VPS8: variants seen among roughly 807,000 people sequenced by gnomAD.
The protein encoded by VPS8 is vacuolar protein sorting-associated protein 8 homolog.
VPS8 carries 129 observed loss-of-function variants against 216.4 expected under a neutral mutation model. The ratio of observed to expected loss-of-function variants is 0.60; its 90% CI spans 0.52 to 0.69. VPS8 has a LOEUF of 0.69. Among genes scored for constraint, VPS8 ranks in the 30% least tolerant of loss-of-function variants. The probability of loss-of-function intolerance (pLI) is 0.00; values close to 1 mark genes in which losing one functional copy is unlikely to be tolerated. For missense variants in VPS8, 1,531 were observed against 1,683.5 expected (o/e 0.91, Z 1.59); for synonymous variants, 571 against 565.4 (o/e 1.01, Z -0.14).
chr3:184,834,847 A>G (rs1720725750), intron 5 of VPS8, 105 bp downstream of exon 5: 3 of 812,012 alleles, frequency 3.7e-6, no homozygotes, highest in Non-Finnish European at 5.6e-6. Context: ...CCGAGGCTTA[A>G]GAAAAATAGA....
chr3:185,004,674 T>C (rs981063648), intron 45 of VPS8, among the ~76,000 whole-genome samples: 1 of 152,306 alleles, frequency 6.6e-6, no homozygotes, highest in African/African-American at 2.4e-5. Context: ...CTTTTGAGAA[T>C]TGTCTATTTG....
intron 1 of VPS8, chr3:184,813,814 CA>C (rs1210878870): frequency 6.6e-6 from 1 of 152,184 alleles, no homozygotes; most frequent in Non-Finnish European, 1.5e-5. Flanking sequence ...CAGTGTGACA[CA>C]AAATGTCAGT....
chr3:184,935,090 G>A (rs1327969728), intron 34 of VPS8, among the ~76,000 whole-genome samples: 1 of 152,062 alleles, frequency 6.6e-6, no homozygotes, highest in East Asian at 1.9e-4. Flanking sequence ...CACTTTGGGA[G>A]GCCGAGGCAG....
chr3:184,853,997 C>T lies in VPS8; in HGVS notation c.962C>T (p.Ala321Val). The T allele has an allele frequency of 6.2e-7, 1 of 1,613,612 alleles. No homozygotes were observed. Among genetic ancestry groups the T allele is most frequent in the Non-Finnish European group, 8.5e-7 (1 of 1,179,738 alleles). Residue 321 changes from alanine to valine, a missense_variant, in exon 12 of 48, where the codon GCA (alanine) becomes GTA (valine). Transcript: ENST00000625842. Reference protein sequence around the residue: ...PITQFSLLAMASLTKILVIGL... With the variant: ...PITQFSLLAMVSLTKILVIGL... ...ACACAGTTTTCATTATTGGCCATGG[C>T]ATCCTTGACAAAAGTAAGTGTATTT...
At position 184,859,874 on chromosome 3, in the gene VPS8, A is replaced by G. The variant is rs748077306; in HGVS notation, c.1144-111A>G. On this transcript the variant is annotated intron_variant, in intron 14 of 47. Transcript: ENST00000625842. ...TTATCAGTATTTTTGGCTTATCTACAGGGAATGGGATAATGGGTAAATGTG... is the reference window on the plus strand; with the variant it reads ...TTATCAGTATTTTTGGCTTATCTACGGGGAATGGGATAATGGGTAAATGTG... The G allele has an allele frequency of 1.2e-4, 83 of 684,394 alleles. 1 individual carries two copies. The highest frequency in any genetic ancestry group is 3.7e-4 in the Admixed American group (12 of 32,150). 42.4% of individuals were successfully genotyped at this position (684,394 alleles called of 1,614,324 possible).
chr3:185,041,741 A>G (rs1711683296), intron 46 of VPS8, among the ~76,000 whole-genome samples: 1 of 152,266 alleles, frequency 6.6e-6, no homozygotes, highest in South Asian at 2.1e-4. Flanking sequence ...GAATTTGAAC[A>G]GAGCTTCGCA....
In VPS8 at chr3:184,894,507, C is replaced by T. The variant is rs1019528416; in HGVS notation, c.1782-196C>T. 6.5e-5 allele frequency among the ~76,000 whole-genome samples: 6 copies of T among 91,930 alleles called. No individual in the cohort carries two copies. The East Asian group carries it at 8.0e-4, about 12-fold the overall frequency. The allele number at this position is 91,930 out of a possible 152,430, so 60.3% of individuals were successfully genotyped here. A position where few individuals can be genotyped will look rare whatever the true frequency, so the allele number is the denominator to read the frequency against. On this transcript the variant is annotated intron_variant, in intron 22 of 47. Transcript: ENST00000625842. ...TTTTATATATATGTATATATACACA[C>T]GTATATATATATATATATATATATA...
intron 45 of VPS8, among the ~76,000 whole-genome samples, chr3:185,023,210 G>T (rs1160002298): frequency 6.7e-6 from 1 of 150,094 alleles, no homozygotes; most frequent in African/African-American, 2.5e-5. Context: ...TTAGATTAAT[G>T]AAACTATAAA....
intron 18 of VPS8, 85 bp downstream of exon 18, chr3:184,868,144 A>G: frequency 7.0e-7 from 1 of 1,421,284 alleles, no homozygotes; most frequent in Non-Finnish European, 9.8e-7. Flanking sequence ...GAAGAAGATT[A>G]TTTGGTAAGC....
intron 3 of VPS8, among the ~76,000 whole-genome samples, chr3:184,830,864 A>G (rs1719842609): frequency 6.6e-6 from 1 of 152,220 alleles, no homozygotes; most frequent in South Asian, 2.1e-4. Flanking sequence ...CTATGTGTAG[A>G]GATATCTGGA....
chr3:184,980,566 G>A (rs1370845769), intron 40 of VPS8, among the ~76,000 whole-genome samples: 1 of 151,552 alleles, frequency 6.6e-6, no homozygotes, highest in Non-Finnish European at 1.5e-5. Context: ...TTGAAGAACT[G>A]GTCTTTAACC....
At position 185,052,078 on chromosome 3, in the gene VPS8, G is replaced by T; in HGVS notation, c.*53G>T. The T allele has an allele frequency of 2.6e-6, 4 of 1,550,442 alleles. No homozygotes were observed. The Admixed American group carries it at 7.7e-5, about 30-fold the overall frequency. On this transcript the variant is annotated 3_prime_UTR_variant, in exon 48 of 48. Transcript: ENST00000625842. ...ACCAGAGATGATCCCGAGGCAGCTGGGGAGAGGCCCCGCCTCTGGTGGGCT... is the reference window on the plus strand; with the variant it reads ...ACCAGAGATGATCCCGAGGCAGCTGTGGAGAGGCCCCGCCTCTGGTGGGCT...
intron 24 of VPS8, among the ~76,000 whole-genome samples, chr3:184,899,969 T>A (rs1472296366): frequency 6.6e-6 from 1 of 152,222 alleles, no homozygotes; most frequent in Non-Finnish European, 1.5e-5. Flanking sequence ...TGTTTAAAGT[T>A]TAGCTATTTT....
intron 46 of VPS8, among the ~76,000 whole-genome samples, chr3:185,029,394 C>G (rs1757800299): frequency 6.6e-6 from 1 of 152,028 alleles, no homozygotes; most frequent in Non-Finnish European, 1.5e-5. Flanking sequence ...CAATATTGGC[C>G]CTGCCAAGAG....
intron 37 of VPS8, among the ~76,000 whole-genome samples, chr3:184,958,780 A>G (rs1429273012): frequency 6.6e-6 from 1 of 152,192 alleles, no homozygotes; most frequent in Non-Finnish European, 1.5e-5. Flanking sequence ...AAATAATAAA[A>G]TCTCAAAAAC....
chr3:184,950,266 T>C (rs1218880474), intron 36 of VPS8, among the ~76,000 whole-genome samples: 1 of 142,398 alleles, frequency 7.0e-6, no homozygotes, highest in Non-Finnish European at 1.5e-5. Flanking sequence ...TTGTGGATGA[T>C]GTATTTGCAT....
intron 45 of VPS8, among the ~76,000 whole-genome samples, chr3:185,001,071 G>C (rs1026511258): frequency 6.6e-6 from 1 of 152,196 alleles, no homozygotes; most frequent in Non-Finnish European, 1.5e-5. Context: ...TAGGCACTGT[G>C]CCAGGTGCCT....
At chr3:184,853,704 A>G (rs1025099257) in intron 11 of VPS8, among the ~76,000 whole-genome samples, 153 bp from the exon 12 acceptor site, 5 of 152,250 alleles carry the variant, frequency 3.3e-5, no homozygotes, top group Admixed American at 1.3e-4. Context: ...TCTGACTTGT[A>G]TAATAAAAAG....
chr3:184,984,380 G>A (rs535171030), intron 42 of VPS8, among the ~76,000 whole-genome samples: 17 of 146,538 alleles, frequency 1.2e-4, no homozygotes, highest in East Asian at 8.3e-4. Flanking sequence ...CGCAACCTCC[G>A]CCTCCTGGGT....
Sources: allele counts gnomAD v4.1 joint callset (sites outside exome capture counted in the v4.1 genomes callset), GRCh38; gene constraint gnomAD v4.1.1; transcripts MANE v1.5; gene names NCBI Gene and HGNC (gene_info 2026-07-23, HGNC 2026-07-21).